Variants in FAM178B observed in about 807,000 individuals in gnomAD.
FAM178B encodes the protein family with sequence similarity 178 member B.
In FAM178B, 82 loss-of-function variants were observed where a neutral mutation model predicts 91.7. The observed-to-expected ratio is 0.89, with a 90% CI of 0.75 to 1.07. The LOEUF (loss-of-function observed/expected upper bound fraction) is 1.07, where lower values mean the gene tolerates loss of function less well. FAM178B is among the 50% of genes least tolerant of loss of function. FAM178B has a pLI of 0.00. For missense variants in FAM178B, 769 were observed against 846.7 expected, an observed-to-expected ratio of 0.91 and a Z score of 1.14; for synonymous variants, 368 against 359.4, an observed-to-expected ratio of 1.02 and a Z score of -0.27.
At chr2:96,896,868 C>T (rs1024960544) in intron 13 of FAM178B, among the ~76,000 whole-genome samples, 1 of 152,164 alleles carries the variant, frequency 6.6e-6, no homozygotes, top group Non-Finnish European at 1.5e-5. Flanking sequence ...TCCCATCTGT[C>T]TGCCTATCTA....
intron 9 of FAM178B, among the ~76,000 whole-genome samples, chr2:96,929,001 T>A (rs2081495680): frequency 6.6e-6 from 1 of 151,292 alleles, no homozygotes; most frequent in Non-Finnish European, 1.5e-5. Context: ...CTACAAAAAA[T>A]TAAAAAATTC....
intron 13 of FAM178B, among the ~76,000 whole-genome samples, chr2:96,900,221 C>T (rs533990518): frequency 1.3e-5 from 2 of 152,176 alleles, no homozygotes; most frequent in East Asian, 1.9e-4. Flanking sequence ...TGTGCTCCCC[C>T]CTGCCTCTAA....
chr2:96,923,055 G>A (rs1344598171), intron 10 of FAM178B, among the ~76,000 whole-genome samples: 1 of 152,152 alleles, frequency 6.6e-6, no homozygotes, highest in East Asian at 1.9e-4. Flanking sequence ...TACAACCTCT[G>A]CCTCTCAGGG....
At chr2:96,915,747 C>T (rs1357813538) in intron 12 of FAM178B, among the ~76,000 whole-genome samples, 10 of 148,356 alleles carry the variant, frequency 6.7e-5, no homozygotes, top group African/African-American at 1.5e-4. Flanking sequence ...ACACGGGAGG[C>T]GGAGGTTGCA....
rs1020743690 is a variant in FAM178B at position 96,972,253 on chromosome 2, A to T, written c.212T>A (p.Leu71Gln). 1 of 1,509,580 alleles carries T rather than the reference A, an allele frequency of 6.6e-7. No homozygotes were observed. The highest frequency in any genetic ancestry group is 1.4e-5 in the African/African-American group (1 of 71,492). The allele number at this position is 1,509,580 out of a possible 1,614,324, so 93.5% of individuals were successfully genotyped here. A position where few individuals can be genotyped will look rare whatever the true frequency, so the allele number is the denominator to read the frequency against. Residue 71 changes from leucine to glutamine, a missense_variant, in exon 3 of 17, where the codon CTG becomes CAG. Coordinates refer to ENST00000490605, the MANE Select transcript of FAM178B (RefSeq NM_001122646.3). ...NLEDGLSDHP[L>Q]DQGPRCPARR... Reference sequence around the variant, plus strand: ...GGCAGGGCAGCGGGGCCCCTGGTCCAGGGGATGGTCTGACAAGCCATCCTC... The same window carrying T: ...GGCAGGGCAGCGGGGCCCCTGGTCCTGGGGATGGTCTGACAAGCCATCCTC...
chr2:96,971,779 T>A, intron 3 of FAM178B, 122 bp downstream of exon 3: 1 of 944,706 alleles, frequency 1.1e-6, no homozygotes, highest in South Asian at 2.5e-5. Context: ...ATGGTCAAGG[T>A]GAAGTGTCCG....
chr2:96,884,405 T>C (rs1390850750), intron 14 of FAM178B, among the ~76,000 whole-genome samples: 3 of 152,160 alleles, frequency 2.0e-5, no homozygotes, highest in Admixed American at 6.5e-5. Context: ...ATTGGAAGGA[T>C]AGGGCGAGGC....
intron 8 of FAM178B, among the ~76,000 whole-genome samples, chr2:96,936,394 G>C (rs1263060946): frequency 6.6e-6 from 1 of 151,682 alleles, no homozygotes; most frequent in Non-Finnish European, 1.5e-5. Context: ...GTAGAGACGG[G>C]GTTTCACCAT....
intron 6 of FAM178B, among the ~76,000 whole-genome samples, chr2:96,956,449 G>A (rs1480078456): frequency 6.6e-6 from 1 of 152,194 alleles, no homozygotes; most frequent in Non-Finnish European, 1.5e-5. Context: ...GGACGCAGAC[G>A]CCAAGCCCAC....
At chr2:96,917,513 TA>T (rs2081261082) in intron 12 of FAM178B, among the ~76,000 whole-genome samples, 1 of 152,072 alleles carries the variant, frequency 6.6e-6, no homozygotes, top group Non-Finnish European at 1.5e-5. Flanking sequence ...GTCATAAACT[TA>T]GGATATGGAG....
At chr2:96,898,749 G>T (rs1475242191) in intron 13 of FAM178B, among the ~76,000 whole-genome samples, 1 of 152,188 alleles carries the variant, frequency 6.6e-6, no homozygotes, top group Admixed American at 6.5e-5. Flanking sequence ...GAGGGCCTTG[G>T]GCTGCTAGGA....
At chr2:96,959,199 GAA>G (rs57498168) in intron 6 of FAM178B, among the ~76,000 whole-genome samples, 48 of 82,124 alleles carry the variant, frequency 5.8e-4, no homozygotes, top group Admixed American at 3.1e-3. Flanking sequence ...ACTCAGTTTT[GAA>G]AAAAAAAAAA....
chr2:96,950,504 C>T (rs1574292278), intron 7 of FAM178B, among the ~76,000 whole-genome samples: 1 of 152,296 alleles, frequency 6.6e-6, no homozygotes, highest in East Asian at 1.9e-4. Context: ...GAATAATCCG[C>T]CCCACATGAT....
chr2:96,958,361 C>T (rs1197510412), intron 6 of FAM178B, among the ~76,000 whole-genome samples: 2 of 152,000 alleles, frequency 1.3e-5, no homozygotes, highest in Non-Finnish European at 2.9e-5. Flanking sequence ...TGAGCCACCA[C>T]GTCCGGCCTG....
intron 16 of FAM178B, among the ~76,000 whole-genome samples, chr2:96,876,983 G>A (rs2080258541): frequency 1.3e-5 from 2 of 152,166 alleles, no homozygotes; most frequent in Non-Finnish European, 2.9e-5. Context: ...CAAGCTGCCT[G>A]CGTGATGGGG....
At position 96,947,809 on chromosome 2, in the gene FAM178B, A is replaced by G. The variant is rs1355387932; in HGVS notation, c.1078+9T>C. On this transcript the variant is annotated intron_variant, in intron 8 of 16. Transcript: ENST00000490605. ...TGCGCCAATCTCCACCCTGCATCCC[A>G]GTACTGACCAGGCTGAAGGAAGATT... 34 of 1,503,580 alleles carry G rather than the reference A, an allele frequency of 2.3e-5. No individual in the cohort carries two copies. The highest frequency in any genetic ancestry group is 2.5e-5 in the Non-Finnish European group (28 of 1,103,760). The allele number at this position is 1,503,580 out of a possible 1,614,324, so 93.1% of individuals were successfully genotyped here. A position where few individuals can be genotyped will look rare whatever the true frequency, so the allele number is the denominator to read the frequency against.
intron 7 of FAM178B, 77 bp downstream of exon 7, chr2:96,951,301 CA>C: frequency 1.9e-6 from 2 of 1,036,676 alleles, no homozygotes; most frequent in South Asian, 1.4e-5. Flanking sequence ...GTGAAGTGCC[CA>C]CCCCTCAGCC....
At chr2:96,880,841 G>T (rs559791167) in intron 14 of FAM178B, among the ~76,000 whole-genome samples, 1 of 152,174 alleles carries the variant, frequency 6.6e-6, no homozygotes, top group Non-Finnish European at 1.5e-5. Context: ...TGATCCGCCC[G>T]CCTCGGCCTC....
At chr2:96,949,655 C>T (rs902168263) in intron 7 of FAM178B, among the ~76,000 whole-genome samples, 14 of 152,322 alleles carry the variant, frequency 9.2e-5, no homozygotes, top group Middle Eastern at 3.4e-3. Context: ...TCTAAGTCCC[C>T]TGAGGACACT....
Sources: allele counts gnomAD v4.1 joint callset (sites outside exome capture counted in the v4.1 genomes callset), GRCh38; gene constraint gnomAD v4.1.1; transcripts MANE v1.5; gene names NCBI Gene and HGNC (gene_info 2026-07-23, HGNC 2026-07-21).